The following ATAD3A variants were observed in gnomAD, a reference collection of about 807,000 sequenced individuals.
ATAD3A encodes ATPase family AAA domain containing 3A, also known as ATPase family AAA domain-containing protein 3A.
ATAD3A carries 46 observed loss-of-function variants against 73.8 expected under a neutral mutation model. The ratio of observed to expected loss-of-function variants is 0.62; its 90% confidence interval spans 0.49 to 0.80. The LOEUF is 0.80. ATAD3A is among the 30% of genes least tolerant of loss of function. The pLI is 0.00. For missense variants in ATAD3A, 705 were observed against 838.0 expected, an observed-to-expected ratio of 0.84 and a Z score of 1.96; for synonymous variants, 319 against 350.0, an observed-to-expected ratio of 0.91 and a Z score of 0.99.
rs940108737 is a variant in ATAD3A, at chr1:1,517,153, G to A, written c.283-158G>A. 1.5e-5 allele frequency: 24 copies of A among 1,548,800 alleles called. No individual in the cohort carries two copies. The highest frequency in any genetic ancestry group is 3.4e-4 in the Middle Eastern group (2 of 5,806). Reference sequence around the variant, plus strand: ...GTGGGTCTGGATTCCTCCAGGGCCTGATCCTGGGTGCAGATGCGGCTGGAA... The same window carrying A: ...GTGGGTCTGGATTCCTCCAGGGCCTAATCCTGGGTGCAGATGCGGCTGGAA... On this transcript the variant is annotated intron_variant, in intron 2 of 15. Transcript: ENST00000378756.
In ATAD3A at chr1:1,523,375, C is replaced by T. The variant is rs1641674064; in HGVS notation, c.907-136C>T. 7.0e-7 allele frequency: 1 copy of T among 1,424,858 alleles called. No homozygotes were observed. Among genetic ancestry groups the T allele is most frequent in the African/African-American group, 1.4e-5 (1 of 70,378 alleles). 88.3% of individuals were successfully genotyped at this position (1,424,858 alleles called of 1,614,324 possible). ...CCTGGTCTCCGGGCGGGGCAGGGTT[C>T]CAGCTCCGGGCCGGTCCTGGCTGTG... On this transcript the variant is annotated intron_variant, in intron 8 of 15. Transcript: ENST00000378756. This position sits in a 1 kb window ranked among gnomAD's most constrained non-coding sequence, Gnocchi z 5.1.
intron 5 of ATAD3A, among the ~76,000 whole-genome samples, chr1:1,519,768 G>C (rs1171564804): frequency 1.3e-5 from 2 of 150,294 alleles, no homozygotes; most frequent in Non-Finnish European, 3.0e-5. Context: ...CCGCGTTCTG[G>C]TTTTTTGCTT....
chr1:1,512,376 G>C lies in ATAD3A; in HGVS notation c.108G>C (p.Gly36=), dbSNP rs1240736. ...GGGCCGAGGGCGGCGGGGACCGCGG[G>C]TTGGGAGACCGGCCGGCGCCCAAGG... ...QPGAEGGGDR[G]LGDRPAPKDK... is the part of the protein sequence containing the mutation. The change falls in exon 1 of 16, where the codon GGG becomes GGC. Residue 36 remains glycine (G), a synonymous_variant. Coordinates refer to ENST00000378756, the MANE Select transcript of ATAD3A (RefSeq NM_001170535.3). 0.16 allele frequency: 198,205 copies of C among 1,220,110 alleles called. 33,465 individuals carry two copies. The highest frequency in any genetic ancestry group is 0.76 in the African/African-American group (47,561 of 62,934). The allele number at this position is 1,220,110 out of a possible 1,614,324, so 75.6% of individuals were successfully genotyped here. A position where few individuals can be genotyped will look rare whatever the true frequency, so the allele number is the denominator to read the frequency against.
At chr1:1,522,100 C>T (rs1389980287) in intron 7 of ATAD3A, among the ~76,000 whole-genome samples, 16 of 151,752 alleles carry the variant, frequency 1.1e-4, no homozygotes, top group South Asian at 4.2e-4. Context: ...AGTGTAGTGG[C>T]GCGGGTCCAG....
At chr1:1,527,168 C>T (rs1004150923) in intron 13 of ATAD3A, 4 of 1,302,548 alleles carry the variant, frequency 3.1e-6, no homozygotes, top group Admixed American at 4.6e-5. Context: ...CAGCCCCAGT[C>T]ACGTGTCACA....
In ATAD3A at chr1:1,529,283, G is replaced by A. The variant is rs762184828; in HGVS notation, c.1566G>A (p.Thr522=). 8.1e-6 allele frequency: 13 copies of A among 1,607,652 alleles called. No individual in the cohort carries two copies. Among genetic ancestry groups the A allele is most frequent in the East Asian group, 2.2e-5 (1 of 44,604 alleles). Reference sequence around the variant, plus strand: ...AGTGCTCGGAGGTCGCTCGGCTGACGGAGGGCATGTCGGGCCGGGAGATCG... The same window carrying A: ...AGTGCTCGGAGGTCGCTCGGCTGACAGAGGGCATGTCGGGCCGGGAGATCG... The part of the protein sequence containing the change: ...GRKCSEVARL[T]EGMSGREIAQ... The change falls in exon 15 of 16, where the codon ACG becomes ACA. Residue 522 remains threonine (T), a synonymous_variant. Transcript: ENST00000378756.
rs1011245407 is a variant in ATAD3A, at chr1:1,520,410, C to T, written c.680+104C>T. The stretch of plus-strand genomic sequence containing the variant: ...CTCTTCCAGGCCTTGCCGCCGTAGG[C>T]TGACTCCTTGGTGGGGGCACTGCCC... On this transcript the variant is annotated intron_variant, in intron 6 of 15. Transcript: ENST00000378756. This position sits in a 1 kb window ranked among gnomAD's most constrained non-coding sequence, Gnocchi z 4.0. The T allele has an allele frequency of 6.3e-7, 1 of 1,592,732 alleles. No individual in the cohort carries two copies.
chr1:1,534,102 C>G lies in ATAD3A; in HGVS notation c.*30C>G. The G allele has an allele frequency of 6.2e-7, 1 of 1,613,266 alleles. No homozygotes were observed. Among genetic ancestry groups the G allele is most frequent in the South Asian group, 1.1e-5 (1 of 91,056 alleles). On this transcript the variant is annotated 3_prime_UTR_variant, in exon 16 of 16. Transcript: ENST00000378756. ...ACAGGGAGATCCACAGCTCACGGAG[C>G]CTGGCCGCGGACCCCTCCCACCCCT...
At chr1:1,526,214 T>C (rs1487894620) in intron 12 of ATAD3A, among the ~76,000 whole-genome samples, 1 of 151,838 alleles carries the variant, frequency 6.6e-6, no homozygotes, top group Non-Finnish European at 1.5e-5. Flanking sequence ...AGAGACGGGG[T>C]CTCACCATGT....
At chr1:1,515,141 G>A (rs1328207136) in intron 1 of ATAD3A, among the ~76,000 whole-genome samples, 2 of 152,120 alleles carry the variant, frequency 1.3e-5, no homozygotes, top group Admixed American at 6.5e-5. Context: ...GCAGCGGTGC[G>A]ATCTGGGTTC....
At chr1:1,515,715 G>C (rs1209917602) in intron 1 of ATAD3A, among the ~76,000 whole-genome samples, 1 of 152,222 alleles carries the variant, frequency 6.6e-6, no homozygotes, top group Admixed American at 6.5e-5. Context: ...GCCATCGCCT[G>C]ACTTTCTGTT....
intron 2 of ATAD3A, among the ~76,000 whole-genome samples, chr1:1,516,727 A>G (rs1570321416): frequency 6.7e-6 from 1 of 150,242 alleles, no homozygotes; most frequent in Admixed American, 6.6e-5. Flanking sequence ...TCATATTATT[A>G]TTTTTTTATA....
chr1:1,527,783 C>T lies in ATAD3A; in HGVS notation c.1426C>T (p.Pro476Ser). 2 of 1,613,978 alleles carry T rather than the reference C, an allele frequency of 1.2e-6. No homozygotes were observed. The highest frequency in any genetic ancestry group is 2.2e-5 in the East Asian group (1 of 44,872). ...RINEMVHFDL[P>S]GQEERERLVR... ...CAATGAGATGGTCCACTTCGACCTG[C>T]CAGGGCAGGAGGAACGGGAGCGCCT... Residue 476 changes from proline (P) to serine (S), a missense_variant, in exon 14 of 16, where the codon CCA becomes TCA. Coordinates refer to ENST00000378756, the MANE Select transcript of ATAD3A (RefSeq NM_001170535.3).
At chr1:1,519,760 G>A (rs1448390477) in intron 5 of ATAD3A, among the ~76,000 whole-genome samples, 4 of 149,120 alleles carry the variant, frequency 2.7e-5, no homozygotes, top group African/African-American at 7.4e-5. Flanking sequence ...TCAGAACTCC[G>A]CGTTCTGGTT....
At chr1:1,517,918 CAG>C in intron 4 of ATAD3A, 143 bp downstream of exon 4, 1 of 1,095,044 alleles carries the variant, frequency 9.1e-7, no homozygotes, top group African/African-American at 1.5e-5. Context: ...ACTACTCGGA[CAG>C]ACACGCACCA....
In ATAD3A at chr1:1,523,438, G is replaced by C; in HGVS notation, c.907-73G>C. ...TCCGTTTCTGCGTGTTACCGAGCGT[G>C]TGTGTGCGCGTTGGTGGCTGTTCCG... is the stretch of plus-strand genomic sequence containing the variant. On this transcript the variant is annotated intron_variant, in intron 8 of 15. Coordinates refer to ENST00000378756, the MANE Select transcript of ATAD3A (RefSeq NM_001170535.3). The surrounding 1 kb of genome is among the most constrained non-coding windows in gnomAD (Gnocchi z 5.1). 6.4e-7 allele frequency: 1 copy of C among 1,571,250 alleles called. No homozygotes were observed. Among genetic ancestry groups the C allele is most frequent in the Non-Finnish European group, 8.6e-7 (1 of 1,157,046 alleles).
intron 2 of ATAD3A, among the ~76,000 whole-genome samples, chr1:1,516,677 T>A (rs973184832): frequency 6.6e-6 from 1 of 152,000 alleles, no homozygotes; most frequent in African/African-American, 2.4e-5. Flanking sequence ...CCTCCCAAAG[T>A]GCTGGGATTA....
chr1:1,525,096 A>G lies in ATAD3A; in HGVS notation c.1215-144A>G, dbSNP rs573017193. 3,887 of 1,143,412 alleles carry G rather than the reference A, an allele frequency of 3.4e-3. 7 individuals carry two copies. The highest frequency in any genetic ancestry group is 4.5e-3 in the Non-Finnish European group (3,529 of 781,052). 70.8% of individuals were successfully genotyped at this position (1,143,412 alleles called of 1,614,324 possible). On this transcript the variant is annotated intron_variant, in intron 11 of 15. Transcript: ENST00000378756. The stretch of plus-strand genomic sequence containing the variant: ...AGGCCAGGCTGATCGGCTTCTGTCG[A>G]GTCCAGGACTTAGGGCTGCTGATGG...
intron 15 of ATAD3A, among the ~76,000 whole-genome samples, chr1:1,531,722 G>A (rs1001692926): frequency 2.0e-5 from 3 of 151,914 alleles, no homozygotes; most frequent in Admixed American, 6.6e-5. Flanking sequence ...AGCTTGCAGT[G>A]AGCCGAGATC....
Sources: allele counts gnomAD v4.1 joint callset (sites outside exome capture counted in the v4.1 genomes callset), GRCh38; gene constraint gnomAD v4.1.1; non-coding constraint Gnocchi (gnomAD v3.1); transcripts MANE v1.5; gene names NCBI Gene and HGNC (gene_info 2026-07-23, HGNC 2026-07-21).